The following STRC variants were observed in gnomAD, a reference collection of about 807,000 sequenced individuals.
The protein encoded by STRC is stereocilin.
STRC carries 43 observed loss-of-function variants against 103.5 expected under a neutral mutation model. The observed-to-expected ratio is 0.42, with a 90% CI of 0.33 to 0.54. The LOEUF (loss-of-function observed/expected upper bound fraction) is 0.54. Ranked by LOEUF, STRC falls within the 20% of genes least tolerant of loss-of-function variation. The probability of loss-of-function intolerance (pLI) is 0.14; values close to 1 mark genes in which losing one functional copy is unlikely to be tolerated. For missense variants in STRC, 499 were observed against 1,088.5 expected (o/e 0.46, Z 7.62); for synonymous variants, 186 against 442.3 (o/e 0.42, Z 7.27).
rs559396062 is a variant in STRC at position 43,601,095 on chromosome 15, G to T, written c.4702-81C>A. 2,905 of 1,052,392 alleles carry T rather than the reference G, an allele frequency of 2.8e-3. 22 individuals are homozygous for T. The highest frequency in any genetic ancestry group is 3.1e-3 in the Non-Finnish European group (2,217 of 709,682). 65.2% of individuals were successfully genotyped at this position (1,052,392 alleles called of 1,614,324 possible). ...ACAGGGAAGTGATAGGTGTTACTGG[G>T]TTATATTCTGTTACTATTAAGACCT... On this transcript the variant is annotated intron_variant, in intron 24 of 28. Coordinates refer to ENST00000450892, the MANE Select transcript of STRC (RefSeq NM_153700.2).
At chr15:43,602,042 G>A (rs1595957743) in intron 23 of STRC, among the ~76,000 whole-genome samples, 3 of 142,086 alleles carry the variant, frequency 2.1e-5, no homozygotes, top group Admixed American at 7.3e-5. Context: ...TTGAACCCAG[G>A]ATGTAGAGGT....
chr15:43,602,121 C>CAAAAAA (rs35561492), intron 23 of STRC, among the ~76,000 whole-genome samples: 1 of 38,272 alleles, frequency 2.6e-5, no homozygotes, highest in Non-Finnish European at 5.5e-5. Context: ...GACTCTGTCT[C>CAAAAAA]AAAAAAAAAA....
chr15:43,601,156 A>G (rs2085664171), intron 24 of STRC, 142 bp from the exon 25 acceptor site: 1 of 844,660 alleles, frequency 1.2e-6, no homozygotes. Context: ...CTCAGAAAAG[A>G]AAAGGAAAGA....
Position 43,601,535 on chromosome 15 carries a change from C to G in STRC, c.4562G>C (p.Arg1521Pro). The G allele has an allele frequency of 2.5e-6, 4 of 1,613,584 alleles. No homozygotes were observed. Among genetic ancestry groups the G allele is most frequent in the Non-Finnish European group, 1.7e-6 (2 of 1,179,780 alleles). The stretch of plus-strand genomic sequence containing the variant: ...CAGGATCTGCTCAGGACGAAATCCC[C>G]GGGGGGGACCCCACAACTAGGAGAA... The part of the protein sequence containing the change: ...GKAKQLWGPP[R>P]GFRPEQILQL... Residue 1521 changes from arginine (R) to proline (P), a missense_variant, in exon 24 of 29, where the codon CGG becomes CCG. Transcript: ENST00000450892.
intron 19 of STRC, 151 bp downstream of exon 19, chr15:43,605,113 A>T: frequency 2.7e-6 from 4 of 1,496,894 alleles, no homozygotes; most frequent in Non-Finnish European, 3.6e-6. Context: ...CAGAACCCAG[A>T]GGCAAAACAG....
Position 43,604,642 on chromosome 15 carries a change from G to C in STRC, c.4127+8C>G, listed in dbSNP as rs2470137. The C allele has an allele frequency of 1.9e-6, 3 of 1,612,890 alleles. No homozygotes were observed. Among genetic ancestry groups the C allele is most frequent in the Middle Eastern group, 1.7e-4 (1 of 6,054 alleles). ...GAGTTAGAATCTGAAGTTCTCGAAGGTCCATACCCAAGAACAGACTCCTGC... is the reference window on the plus strand; with the variant it reads ...GAGTTAGAATCTGAAGTTCTCGAAGCTCCATACCCAAGAACAGACTCCTGC... On this transcript the variant is annotated splice_region_variant and intron_variant, in intron 20 of 28. Transcript: ENST00000450892.
intron 18 of STRC, among the ~76,000 whole-genome samples, 164 bp from the exon 19 acceptor site, chr15:43,605,563 C>G (rs2085706249): frequency 6.6e-6 from 1 of 150,676 alleles, no homozygotes; most frequent in African/African-American, 2.5e-5. Flanking sequence ...TTCCCACCAT[C>G]AAGCTTGAGT....
rs1227615205 is a variant in STRC, at chr15:43,613,334, TTTTTG to T, written c.2481-108_2481-104del. ...AGATAGGAAGGAGACTCTCCCTGTT[TTTTTG>T]TTTTGTTTTGTTTTTTGTTTTTTTT... On this transcript the variant is annotated intron_variant, in intron 7 of 28. Coordinates refer to ENST00000450892, the MANE Select transcript of STRC (RefSeq NM_153700.2). 9 of 380,462 alleles carry T rather than the reference TTTTTG, an allele frequency of 2.4e-5. No individual in the cohort carries two copies. In the Admixed American group the frequency reaches 2.4e-4, roughly 10 times the overall value. The allele number at this position is 380,462 out of a possible 1,614,324, so 23.6% of individuals were successfully genotyped here. A position where few individuals can be genotyped will look rare whatever the true frequency, so the allele number is the denominator to read the frequency against.
chr15:43,603,765 G>C (rs1238767792), intron 22 of STRC, among the ~76,000 whole-genome samples: 1 of 151,980 alleles, frequency 6.6e-6, no homozygotes, highest in African/African-American at 2.4e-5. Context: ...GTCTAGAGCA[G>C]ACACGAGAGA....
At position 43,601,538 on chromosome 15, in the gene STRC, G is replaced by T. The variant is rs1246240978; in HGVS notation, c.4559C>A (p.Pro1520His). ...MGKAKQLWGP[P>H]RGFRPEQILQ... ...GATCTGCTCAGGACGAAATCCCCGG[G>T]GGGGACCCCACAACTAGGAGAAAGA... The change falls in exon 24 of 29, where the codon CCC (proline) becomes CAC (histidine). Residue 1520 changes from proline (P) to histidine (H), a missense_variant. By Grantham distance (77) the Pro-to-His change is moderately conservative (BLOSUM62 -2). Coordinates refer to ENST00000450892, the MANE Select transcript of STRC (RefSeq NM_153700.2). 8 of 1,613,820 alleles carry T rather than the reference G, an allele frequency of 5.0e-6. No homozygotes were observed. Among genetic ancestry groups the T allele is most frequent in the South Asian group, 1.1e-5 (1 of 91,066 alleles).
At position 43,604,779 on chromosome 15, in the gene STRC, C is replaced by A. The variant is rs1194548531; in HGVS notation, c.3998G>T (p.Gly1333Val). 1 of 1,613,316 alleles carries A rather than the reference C, an allele frequency of 6.2e-7. No homozygotes were observed. The highest frequency in any genetic ancestry group is 8.5e-7 in the Non-Finnish European group (1 of 1,179,600). Residue 1333 changes from glycine (G) to valine (V), a missense_variant, in exon 20 of 29, where the codon GGG becomes GTG. Gly to Val is a moderately radical substitution (Grantham distance 109). Coordinates refer to ENST00000450892, the MANE Select transcript of STRC (RefSeq NM_153700.2). ...ETLGPLVGFL[G>V]TESTRQIPLQ... ...GGGGATCTGTCGTGTGCTCTCTGTCCCCAGGAATCCAACCAAAGGGCCTAA... is the reference window on the plus strand; with the variant it reads ...GGGGATCTGTCGTGTGCTCTCTGTCACCAGGAATCCAACCAAAGGGCCTAA...
Position 43,601,384 on chromosome 15 carries a change from G to A in STRC, c.4701+12C>T, listed in dbSNP as rs376627636. 13 of 1,612,696 alleles carry A rather than the reference G, an allele frequency of 8.1e-6. 1 individual carries two copies. The highest frequency in any genetic ancestry group is 1.1e-5 in the Non-Finnish European group (13 of 1,179,806). On this transcript the variant is annotated intron_variant, in intron 24 of 28. Coordinates refer to ENST00000450892, the MANE Select transcript of STRC (RefSeq NM_153700.2). ...GTGTTTGGGAAGCCGTAGGGAGGAG[G>A]AAAAGTGTTACCTGAGTGGTGCTCC...
At chr15:43,602,363 T>C (rs1354003981) in intron 23 of STRC, among the ~76,000 whole-genome samples, 2 of 151,814 alleles carry the variant, frequency 1.3e-5, no homozygotes, top group Non-Finnish European at 2.9e-5. Flanking sequence ...TTTCTATTTT[T>C]AGTAGAGACA....
At position 43,600,093 on chromosome 15, in the gene STRC, G is replaced by A; in HGVS notation, c.5106C>T (p.Pro1702=). Residue 1702 remains proline (P), a synonymous_variant, in exon 28 of 29, where the codon CCC becomes CCT. Transcript: ENST00000450892. ...PPPKFAVVFS[P]IQLSSLTSAQ... is the part of the protein sequence containing the mutation. ...CACTGGTGAGACTAGATAGTTGGAT[G>A]GGACTAAACACCACCTGAGGGCAGG... 1 of 1,612,948 alleles carries A rather than the reference G, an allele frequency of 6.2e-7. No individual in the cohort carries two copies. The highest frequency in any genetic ancestry group is 2.2e-5 in the East Asian group (1 of 44,846).
intron 16 of STRC, among the ~76,000 whole-genome samples, chr15:43,608,809 A>C (rs1567118812): frequency 6.7e-6 from 1 of 149,722 alleles, no homozygotes; most frequent in Non-Finnish European, 1.5e-5. Context: ...ATTCCTATTT[A>C]TTCTTGCTTG....
chr15:43,603,549 G>T (rs2085689570), intron 22 of STRC, 138 bp from the exon 23 acceptor site: 7 of 971,188 alleles, frequency 7.2e-6, no homozygotes, highest in Non-Finnish European at 8.2e-6. Context: ...GTATTACAGA[G>T]TAATATGTAT....
In STRC at chr15:43,603,269, C is replaced by T. The variant is rs376529717; in HGVS notation, c.4518G>A (p.Leu1506=). 1.9e-6 allele frequency: 3 copies of T among 1,613,772 alleles called. No homozygotes were observed. Among genetic ancestry groups the T allele is most frequent in the Non-Finnish European group, 2.5e-6 (3 of 1,179,842 alleles). Residue 1506 remains leucine, a synonymous_variant, in exon 23 of 29, where the codon CTG becomes CTA. Transcript: ENST00000450892. ...AGDPGLGPEE[L]RAAMGKAKQL... ...GTTTTGCTTTGCCCATGGCTGCCCGCAGTTCCTCAGGCCCAAGTCCTGGGT... is the reference window on the plus strand; with the variant it reads ...GTTTTGCTTTGCCCATGGCTGCCCGTAGTTCCTCAGGCCCAAGTCCTGGGT...
rs1188539457 is a variant in STRC at position 43,601,446 on chromosome 15, A to C, written c.4651T>G (p.Trp1551Gly). The C allele has an allele frequency of 6.2e-7, 1 of 1,613,754 alleles. No homozygotes were observed. Among genetic ancestry groups the C allele is most frequent in the African/African-American group, 1.3e-5 (1 of 74,868 alleles). The change falls in exon 24 of 29, where the codon TGG becomes GGG. Residue 1551 changes from tryptophan (W) to glycine (G), a missense_variant. Coordinates refer to ENST00000450892, the MANE Select transcript of STRC (RefSeq NM_153700.2). ...RELQELILVDWGVLSTLGQID... is the reference protein window; with the variant it reads ...RELQELILVDGGVLSTLGQID... ...TGCCCCAGGGTGCTCAGCACTCCCC[A>C]GTCCACTAGGATCAGCTCCTGTAGT...
In STRC at chr15:43,603,396, C is replaced by T. The variant is rs771738216; in HGVS notation, c.4391G>A (p.Cys1464Tyr). The T allele has an allele frequency of 2.5e-6, 4 of 1,613,574 alleles. No homozygotes were observed. In the Admixed American group the frequency reaches 6.7e-5, roughly 27 times the overall value. Residue 1464 changes from cysteine (C) to tyrosine (Y), a missense_variant, in exon 23 of 29, where the codon TGT (cysteine) becomes TAT (tyrosine). Physicochemically the swap from Cys to Tyr is radical, Grantham distance 194. Coordinates refer to ENST00000450892, the MANE Select transcript of STRC (RefSeq NM_153700.2). ...TGGGAATGTCCCTCGTACATCTGCACAATTTGGCACAGGTTCTGAAGGGGG... is the reference window on the plus strand; with the variant it reads ...TGGGAATGTCCCTCGTACATCTGCATAATTTGGCACAGGTTCTGAAGGGGG... ...AEDLPEPVPN[C>Y]ADVRGTFPAA... is the part of the protein sequence containing the mutation.
Sources: gnomAD v4.1 joint callset for allele counts (sites outside exome capture counted in the v4.1 genomes callset) on GRCh38, gnomAD v4.1.1 for gene constraint, MANE v1.5 for transcripts, NCBI Gene and HGNC (gene_info 2026-07-23, HGNC 2026-07-21) for gene names.